Variants in TMEM268 observed in about 807,000 individuals in gnomAD.
The protein encoded by TMEM268 is transmembrane protein C9orf91.
A neutral mutation model predicts 39.1 loss-of-function variants in TMEM268; 24 were observed. The observed-to-expected ratio is 0.61, with a 90% CI of 0.44 to 0.86. The LOEUF (loss-of-function observed/expected upper bound fraction) is 0.86, where lower values mean the gene tolerates loss of function less well. Ranked by LOEUF, TMEM268 falls within the 40% of genes least tolerant of loss-of-function variation. The pLI is 0.00. For synonymous variants in TMEM268, 176 were observed against 173.5 expected, an observed-to-expected ratio of 1.01 and a Z score of -0.12; for missense variants, 409 against 428.6, an observed-to-expected ratio of 0.95 and a Z score of 0.40.
intron 5 of TMEM268, 38 bp from the exon 6 acceptor site, chr9:114,633,730 A>T: frequency 2.5e-6 from 3 of 1,184,530 alleles, no homozygotes. Flanking sequence ...CCCCAGTAGC[A>T]TGGAGGTCTG....
At position 114,645,993 on chromosome 9, in the gene TMEM268, A is replaced by G. The variant is rs571701961; in HGVS notation, c.*2680A>G. On this transcript the variant is annotated 3_prime_UTR_variant, in exon 9 of 9. Transcript: ENST00000288502. ...TTTTTTTTAAATGTAATTTTTTCAG[A>G]GAGATAAGGTCTTGCTATGTTACCC... The G allele has an allele frequency of 2.6e-5, 4 of 151,922 alleles. No individual in the cohort carries two copies. The South Asian group carries it at 8.3e-4, about 32-fold the overall frequency. The allele number at this position is 151,922 out of a possible 1,614,324, so 9.4% of individuals were successfully genotyped here. A position where few individuals can be genotyped will look rare whatever the true frequency, so the allele number is the denominator to read the frequency against.
chr9:114,612,840 AT>A (rs1845558815), intron 1 of TMEM268, among the ~76,000 whole-genome samples: 1 of 152,168 alleles, frequency 6.6e-6, no homozygotes, highest in South Asian at 2.1e-4. Context: ...CCAGATGGTG[AT>A]CCCTAGCAGG....
At chr9:114,637,590 G>T (rs138961404) in intron 7 of TMEM268, among the ~76,000 whole-genome samples, 2 of 152,046 alleles carry the variant, frequency 1.3e-5, no homozygotes, top group East Asian at 3.9e-4. Context: ...CACCACGCCC[G>T]GCCATATATT....
At chr9:114,625,488 A>G (rs1174357593) in intron 3 of TMEM268, among the ~76,000 whole-genome samples, 1 of 143,478 alleles carries the variant, frequency 7.0e-6, no homozygotes, top group Non-Finnish European at 1.5e-5. Flanking sequence ...TCTGTTGCCC[A>G]GGCTGGAGTG....
At chr9:114,604,839 A>C in the TMEM268 span, among the ~76,000 whole-genome samples, 2 of 152,216 alleles carry the variant, frequency 1.3e-5, no homozygotes. Flanking sequence ...TAGACACTGT[A>C]ATCCCACTTC....
At chr9:114,633,439 C>T (rs1161752206) in intron 5 of TMEM268, among the ~76,000 whole-genome samples, 10 of 152,082 alleles carry the variant, frequency 6.6e-5, no homozygotes, top group Admixed American at 5.9e-4. Context: ...GGATTACAGG[C>T]GTGAACCACC....
chr9:114,604,138 G>A, the TMEM268 span, among the ~76,000 whole-genome samples: 2 of 152,016 alleles, frequency 1.3e-5, no homozygotes, highest in Non-Finnish European at 2.9e-5. Context: ...ACCACGGTGT[G>A]TACTGAGTAT....
At position 114,624,624 on chromosome 9, in the gene TMEM268, C is replaced by T. The variant is rs764220090; in HGVS notation, c.216+165C>T. 7.9e-4 allele frequency among the ~76,000 whole-genome samples: 121 copies of T among 152,358 alleles called. 1 individual carries two copies. Among genetic ancestry groups the T allele is most frequent in the Non-Finnish European group, 1.5e-3 (103 of 68,036 alleles). On this transcript the variant is annotated intron_variant, in intron 3 of 8. Transcript: ENST00000288502. ...AAGTGCCCTCTCTTTCCTCTCTTCC[C>T]GGTTAACTCACTTAACAAATGTGTA...
At chr9:114,611,748 C>T (rs1845504433) in intron 1 of TMEM268, among the ~76,000 whole-genome samples, 184 bp downstream of exon 1, 1 of 152,126 alleles carries the variant, frequency 6.6e-6, no homozygotes, top group Non-Finnish European at 1.5e-5. Flanking sequence ...GCCCCTCCCC[C>T]GCGTGCCGGC....
chr9:114,640,414 G>A (rs545321283), intron 8 of TMEM268, among the ~76,000 whole-genome samples: 22 of 152,272 alleles, frequency 1.4e-4, no homozygotes, highest in African/African-American at 4.8e-4. Flanking sequence ...GAAAGATAGC[G>A]ATAATGACCT....
chr9:114,621,044 G>T (rs932330757), intron 2 of TMEM268, among the ~76,000 whole-genome samples: 1 of 152,072 alleles, frequency 6.6e-6, no homozygotes, highest in East Asian at 1.9e-4. Context: ...TATGAAAAAA[G>T]AACCTTTTCC....
chr9:114,641,575 T>C (rs538761363), intron 8 of TMEM268, among the ~76,000 whole-genome samples: 54 of 149,616 alleles, frequency 3.6e-4, no homozygotes, highest in African/African-American at 1.1e-3. Flanking sequence ...ATCCCAACAC[T>C]GTAGGGAGGC....
chr9:114,609,527 A>C (rs62578853), upstream of TMEM268, among the ~76,000 whole-genome samples: 12,706 of 151,490 alleles, frequency 0.084, 591 homozygotes, highest in South Asian at 0.14. Flanking sequence ...AAAAACAAAA[A>C]CAAAAACATT....
chr9:114,607,802 T>C (rs1011406779), upstream of TMEM268, among the ~76,000 whole-genome samples: 40 of 152,292 alleles, frequency 2.6e-4, no homozygotes, highest in African/African-American at 8.7e-4. Flanking sequence ...AATGAGTTGG[T>C]TCGTCAGGTA....
At chr9:114,613,802 A>C (rs1438551565) in intron 1 of TMEM268, among the ~76,000 whole-genome samples, 1 of 152,184 alleles carries the variant, frequency 6.6e-6, no homozygotes, top group East Asian at 1.9e-4. Context: ...TCTCAGAGAC[A>C]GTCACACTAG....
At position 114,611,298 on chromosome 9, in the gene TMEM268, C is replaced by G. The variant is rs1375156230; in HGVS notation, c.-345C>G. On this transcript the variant is annotated 5_prime_UTR_variant, in exon 1 of 9. Transcript: ENST00000288502. The stretch of plus-strand genomic sequence containing the variant: ...CCGGGGGGGCGCTCGGCTGATGAAA[C>G]GCGGCCTCCAGCTCCGCTCCGCCGC... 1 of 151,802 alleles carries G rather than the reference C, an allele frequency of 6.6e-6. No individual in the cohort carries two copies. Among genetic ancestry groups the G allele is most frequent in the African/African-American group, 2.4e-5 (1 of 41,352 alleles). 9.4% of individuals were successfully genotyped at this position (151,802 alleles called of 1,614,324 possible). A position where few individuals can be genotyped will look rare whatever the true frequency, so the allele number is the denominator to read the frequency against.
rs1827542737 is a variant in TMEM268, at chr9:114,645,581, A to G, written c.*2268A>G. ...GTCTTTCTGACCTGGCACAGAGGAAATGTTGGCTGTGAATGTGACCAATAG... is the reference window on the plus strand; with the variant it reads ...GTCTTTCTGACCTGGCACAGAGGAAGTGTTGGCTGTGAATGTGACCAATAG... On this transcript the variant is annotated 3_prime_UTR_variant, in exon 9 of 9. Coordinates refer to ENST00000288502, the MANE Select transcript of TMEM268 (RefSeq NM_153045.4). 6.6e-6 allele frequency: 1 copy of G among 152,358 alleles called. No homozygotes were observed. The highest frequency in any genetic ancestry group is 2.4e-5 in the African/African-American group (1 of 41,454). The allele number at this position is 152,358 out of a possible 1,614,324, so 9.4% of individuals were successfully genotyped here.
intron 6 of TMEM268, among the ~76,000 whole-genome samples, chr9:114,634,210 G>T (rs573333849): frequency 6.6e-6 from 1 of 152,184 alleles, no homozygotes; most frequent in Non-Finnish European, 1.5e-5. Context: ...ACATTGAGGG[G>T]CCCATGCAAG....
intron 2 of TMEM268, among the ~76,000 whole-genome samples, chr9:114,623,690 T>C (rs1846036400): frequency 1.3e-5 from 2 of 152,234 alleles, no homozygotes; most frequent in Admixed American, 1.3e-4. Context: ...CCTCTGACTC[T>C]ACTTCTGTCC....
Sources: gnomAD v4.1 joint callset for allele counts (sites outside exome capture counted in the v4.1 genomes callset) on GRCh38, gnomAD v4.1.1 for gene constraint, MANE v1.5 for transcripts, NCBI Gene and HGNC (gene_info 2026-07-23, HGNC 2026-07-21) for gene names.